USP33: variants seen among roughly 807,000 people sequenced by gnomAD.
The protein encoded by USP33 is ubiquitin carboxyl-terminal hydrolase 33.
A neutral mutation model predicts 124.2 loss-of-function variants in USP33; 46 were observed. The observed-to-expected ratio is 0.37, with a 90% CI of 0.29 to 0.47. The LOEUF is 0.47. Ranked by LOEUF, USP33 falls within the 20% of genes least tolerant of loss-of-function variation. USP33 has a pLI of 0.99. For synonymous variants in USP33, 350 were observed against 352.3 expected, an observed-to-expected ratio of 0.99 and a Z score of 0.07; for missense variants, 851 against 1,070.6, an observed-to-expected ratio of 0.79 and a Z score of 2.86.
At chr1:77,709,253 A>T (rs960104272) in intron 21 of USP33, among the ~76,000 whole-genome samples, 10 of 152,194 alleles carry the variant, frequency 6.6e-5, no homozygotes, top group African/African-American at 2.4e-4. Flanking sequence ...TTATGCTTGT[A>T]ATCCCAGAGC....
intron 1 of USP33, among the ~76,000 whole-genome samples, chr1:77,756,677 A>G (rs1182165502): frequency 1.3e-5 from 2 of 152,224 alleles, no homozygotes; most frequent in Non-Finnish European, 2.9e-5. Context: ...AAAAATCTCC[A>G]AAGGCTTAAG....
intron 1 of USP33, among the ~76,000 whole-genome samples, chr1:77,745,125 T>C (rs889313667): frequency 2.0e-4 from 31 of 152,334 alleles, no homozygotes; most frequent in Admixed American, 2.6e-4. Flanking sequence ...GGTGCATATA[T>C]ATTTAGGATA....
At position 77,750,624 on chromosome 1, in the gene USP33, A is replaced by G. The variant is rs534548763; in HGVS notation, c.-51-8876T>C. Among the ~76,000 whole-genome samples, 386 of 123,386 alleles carry G rather than the reference A, an allele frequency of 3.1e-3. 6 individuals carry two copies. Among genetic ancestry groups the G allele is most frequent in the African/African-American group, 0.011 (358 of 31,584 alleles). The allele number at this position is 123,386 out of a possible 152,430, so 80.9% of individuals were successfully genotyped here. A position where few individuals can be genotyped will look rare whatever the true frequency, so the allele number is the denominator to read the frequency against. On this transcript the variant is annotated intron_variant, in intron 1 of 23. Coordinates refer to ENST00000370794, the MANE Select transcript of USP33 (RefSeq NM_201624.3). ...GCAACACAGCAAGACCCTGACTTAA[A>G]AAAGAAAGAAAGAAAGAAAGAAAGA...
intron 1 of USP33, among the ~76,000 whole-genome samples, chr1:77,742,025 T>G (rs1679177331): frequency 6.6e-6 from 1 of 152,156 alleles, no homozygotes; most frequent in African/African-American, 2.4e-5. Context: ...TCCATGACTT[T>G]TGCTGCTTTT....
At chr1:77,749,956 A>C (rs1452345443) in intron 1 of USP33, among the ~76,000 whole-genome samples, 1 of 152,222 alleles carries the variant, frequency 6.6e-6, no homozygotes, top group East Asian at 1.9e-4. Flanking sequence ...GCTGAGATGA[A>C]AAAAAGAATA....
At chr1:77,705,495 A>C (rs1042541075) in intron 21 of USP33, among the ~76,000 whole-genome samples, 12 of 151,760 alleles carry the variant, frequency 7.9e-5, no homozygotes, top group African/African-American at 2.9e-4. Flanking sequence ...GAGCCCAGCC[A>C]ATTTTATTTA....
At chr1:77,734,771 C>T (rs764292709) in intron 6 of USP33, among the ~76,000 whole-genome samples, 12 of 152,090 alleles carry the variant, frequency 7.9e-5, no homozygotes, top group Non-Finnish European at 1.5e-4. Flanking sequence ...CAAAAAAACT[C>T]GTCATGATAA....
In USP33 at chr1:77,722,048, G is replaced by C. The variant is rs759477228; in HGVS notation, c.1538C>G (p.Ala513Gly). Residue 513 changes from alanine to glycine, a missense_variant, in exon 13 of 24, where the codon GCT becomes GGT. This residue lies in a region of USP33 where 281 missense variants were observed against 425.0 expected (regional missense o/e 0.66). Transcript: ENST00000370794. ...CCTCTTCACATATTCCATGAAAAAA[G>C]CTATCCACCCTTGTGGAGCATATGC... ...GEAYAPQGWI[A>G]FFMEYVKRFV... 1 of 1,612,828 alleles carries C rather than the reference G, an allele frequency of 6.2e-7. No individual in the cohort carries two copies. The highest frequency in any genetic ancestry group is 1.7e-5 in the Admixed American group (1 of 59,664).
At chr1:77,742,765 A>G (rs1387848861) in intron 1 of USP33, among the ~76,000 whole-genome samples, 2 of 152,162 alleles carry the variant, frequency 1.3e-5, no homozygotes, top group African/African-American at 2.4e-5. Context: ...AAACAGTTTA[A>G]AAGTTTGAAC....
rs767056362 is a variant in USP33, at chr1:77,739,431, C to T, written c.199-14G>A. 14 of 1,566,882 alleles carry T rather than the reference C, an allele frequency of 8.9e-6. No homozygotes were observed. Among genetic ancestry groups the T allele is most frequent in the Non-Finnish European group, 1.0e-5 (12 of 1,159,346 alleles). Reference sequence around the variant, plus strand: ...ATGCTTTGTCTCCTATATAATTTCACAGTAGAGGGAAAAGAGGAACCAAAA... The same window carrying T: ...ATGCTTTGTCTCCTATATAATTTCATAGTAGAGGGAAAAGAGGAACCAAAA... On this transcript the variant is annotated splice_polypyrimidine_tract_variant and intron_variant, in intron 4 of 23. Transcript: ENST00000370794.
chr1:77,721,911 CAT>C lies in USP33; in HGVS notation c.1575_1576del (p.Val527ProfsTer2). 1.2e-6 allele frequency: 2 copies of C among 1,608,080 alleles called. No homozygotes were observed. The highest frequency in any genetic ancestry group is 1.7e-6 in the Non-Finnish European group (2 of 1,178,568). ...TGGACCCCAAAACCAGCTAGGGACA[CAT>C]GAGACAACAAACCTGAAACATCATT... On this transcript the variant is annotated frameshift_variant, in exon 14 of 24. Coordinates refer to ENST00000370794, the MANE Select transcript of USP33 (RefSeq NM_201624.3). LOFTEE classifies it high-confidence loss of function.
At chr1:77,700,011 G>A (rs1673824474) in intron 22 of USP33, among the ~76,000 whole-genome samples, 1 of 151,984 alleles carries the variant, frequency 6.6e-6, no homozygotes, top group Non-Finnish European at 1.5e-5. Flanking sequence ...AAGGACACAG[G>A]GAGGAGAACA....
chr1:77,725,925 T>C (rs143707150), intron 10 of USP33, among the ~76,000 whole-genome samples, 163 bp from the exon 11 acceptor site: 4 of 152,344 alleles, frequency 2.6e-5, no homozygotes, highest in Admixed American at 2.6e-4. Context: ...AACAGTAATC[T>C]TCTACCCAGA....
chr1:77,726,401 C>T (rs1677164611), intron 10 of USP33, among the ~76,000 whole-genome samples: 1 of 150,840 alleles, frequency 6.6e-6, no homozygotes, highest in South Asian at 2.1e-4. Flanking sequence ...AATCCCAACA[C>T]TGGGAGGCCA....
At chr1:77,697,748 GT>G (rs1673558743) in intron 23 of USP33, 114 bp downstream of exon 23, 2 of 1,114,874 alleles carry the variant, frequency 1.8e-6, no homozygotes, top group African/African-American at 3.2e-5. Context: ...CCTAGTTAAT[GT>G]ATGGATTACA....
intron 1 of USP33, among the ~76,000 whole-genome samples, chr1:77,742,852 TTATAAC>T (rs1328649133): frequency 6.6e-6 from 1 of 152,160 alleles, no homozygotes; most frequent in Non-Finnish European, 1.5e-5. Context: ...ATGTAATAGT[TTATAAC>T]TATATAGAAC....
chr1:77,720,857 C>T (rs951032892), intron 15 of USP33, among the ~76,000 whole-genome samples: 70 of 152,296 alleles, frequency 4.6e-4, no homozygotes, highest in African/African-American at 1.6e-3. Context: ...GTACCTTTCA[C>T]TTCCTGAATC....
chr1:77,711,571 C>A, intron 21 of USP33, 176 bp downstream of exon 21: 6 of 960,234 alleles, frequency 6.2e-6, no homozygotes, highest in Non-Finnish European at 8.8e-6. Context: ...AAAGGGAGAA[C>A]ATAACTCAAC....
Position 77,728,428 on chromosome 1 carries a change from T to C in USP33, c.1002A>G (p.Lys334=). 6.2e-7 allele frequency: 1 copy of C among 1,614,106 alleles called. No homozygotes were observed. ...TATTAATCTTATTGCACATCTTCTC[T>C]TTTTGCCAATCCTTTGACATTTCTG... ...NNSEMSKDWQ[K]EKMCNKINKV... is the part of the protein sequence containing the mutation. The change falls in exon 10 of 24, where the codon AAA becomes AAG. Residue 334 remains lysine, a synonymous_variant. Coordinates refer to ENST00000370794, the MANE Select transcript of USP33 (RefSeq NM_201624.3).
Sources: gnomAD v4.1 joint callset for allele counts (sites outside exome capture counted in the v4.1 genomes callset) on GRCh38, gnomAD v4.1.1 for gene constraint, gnomAD v4.1.1 regional missense constraint, MANE v1.5 for transcripts, NCBI Gene and HGNC (gene_info 2026-07-23, HGNC 2026-07-21) for gene names.